The following ROCK2 variants were observed in gnomAD, a reference collection of about 807,000 sequenced individuals.
The protein encoded by ROCK2 is rho-associated protein kinase 2.
Under a neutral mutation model 195.1 loss-of-function variants are expected in ROCK2, and 61 were observed. That is an observed-to-expected ratio of 0.31 (90% confidence interval 0.25 to 0.39). The LOEUF is 0.39. Ranked by LOEUF, ROCK2 falls within the 10% of genes least tolerant of loss-of-function variation. The pLI, the probability that ROCK2 is intolerant of heterozygous loss-of-function variation, is 1.00. For missense variants in ROCK2, 1,109 were observed against 1,637.4 expected (o/e 0.68, Z 5.57); for synonymous variants, 504 against 545.5 (o/e 0.92, Z 1.06).
chr2:11,244,618 G>A (rs1665548065), intron 4 of ROCK2, among the ~76,000 whole-genome samples: 2 of 151,620 alleles, frequency 1.3e-5, no homozygotes, highest in Admixed American at 6.6e-5. Flanking sequence ...GATGAGCCAG[G>A]GCATGGTGGT....
chr2:11,279,492 T>G (rs1190006417), intron 3 of ROCK2, among the ~76,000 whole-genome samples: 1 of 152,202 alleles, frequency 6.6e-6, no homozygotes, highest in South Asian at 2.1e-4. Flanking sequence ...CAATCATCAA[T>G]GTGTTATATG....
chr2:11,286,507 T>G, intron 3 of ROCK2, 32 bp downstream of exon 3: 1 of 1,335,666 alleles, frequency 7.5e-7, no homozygotes, highest in Non-Finnish European at 1.1e-6. Flanking sequence ...CATGATGTCA[T>G]AGAGAACAAT....
chr2:11,243,943 A>G (rs1429062410), intron 4 of ROCK2, among the ~76,000 whole-genome samples: 1 of 152,224 alleles, frequency 6.6e-6, no homozygotes, highest in Non-Finnish European at 1.5e-5. Context: ...TAAATCTACA[A>G]CTTTAAAAAA....
At chr2:11,236,592 A>C (rs1338071809) in intron 4 of ROCK2, among the ~76,000 whole-genome samples, 1 of 152,206 alleles carries the variant, frequency 6.6e-6, no homozygotes, top group African/African-American at 2.4e-5. Context: ...ATACCAGTCC[A>C]GGTTGCTACT....
intron 1 of ROCK2, among the ~76,000 whole-genome samples, chr2:11,290,534 G>C (rs916555639): frequency 2.0e-5 from 3 of 151,990 alleles, no homozygotes; most frequent in African/African-American, 7.2e-5. Context: ...AAGCAATGAA[G>C]AAAACGATCT....
chr2:11,292,723 G>T (rs1035331237), intron 1 of ROCK2, among the ~76,000 whole-genome samples: 1 of 152,152 alleles, frequency 6.6e-6, no homozygotes, highest in Non-Finnish European at 1.5e-5. Flanking sequence ...TCCTCTGTTT[G>T]CTATTTCAAC....
chr2:11,273,914 G>A (rs1289710206), intron 3 of ROCK2, among the ~76,000 whole-genome samples: 1 of 136,096 alleles, frequency 7.3e-6, no homozygotes, highest in African/African-American at 2.6e-5. Context: ...GGGTGACAGA[G>A]CAAGACTCCA....
intron 3 of ROCK2, among the ~76,000 whole-genome samples, chr2:11,253,415 C>A (rs1665908251): frequency 6.6e-6 from 1 of 152,198 alleles, no homozygotes; most frequent in South Asian, 2.1e-4. Flanking sequence ...AAGGACACTA[C>A]CTCCTTATCC....
chr2:11,219,545 C>T (rs919665271), intron 9 of ROCK2, among the ~76,000 whole-genome samples: 2 of 151,996 alleles, frequency 1.3e-5, no homozygotes, highest in Non-Finnish European at 2.9e-5. Flanking sequence ...AAATGCTAAA[C>T]TTTTCTTGCC....
At chr2:11,248,550 A>C (rs1665704224) in intron 4 of ROCK2, among the ~76,000 whole-genome samples, 1 of 151,692 alleles carries the variant, frequency 6.6e-6, no homozygotes, top group Admixed American at 6.6e-5. Context: ...CTCTACTAAA[A>C]ATGCAAAAAT....
At chr2:11,254,161 C>T (rs544726536) in intron 3 of ROCK2, among the ~76,000 whole-genome samples, 1 of 152,268 alleles carries the variant, frequency 6.6e-6, no homozygotes, top group South Asian at 2.1e-4. Flanking sequence ...TTGGTACCAG[C>T]TAGCCCTCCC....
At chr2:11,227,153 C>T (rs1664841982) in intron 6 of ROCK2, 101 bp downstream of exon 6, 2 of 1,122,882 alleles carry the variant, frequency 1.8e-6, no homozygotes, top group Non-Finnish European at 2.5e-6. Context: ...TAATTCTTCC[C>T]TACGACAAAG....
intron 1 of ROCK2, among the ~76,000 whole-genome samples, chr2:11,288,437 A>T (rs1025968059): frequency 2.6e-4 from 39 of 152,302 alleles, no homozygotes. Flanking sequence ...CATTGTCTCA[A>T]CGCCAAGTAA....
chr2:11,340,333 TATC>T (rs150056112), intron 1 of ROCK2, among the ~76,000 whole-genome samples: 3,408 of 152,278 alleles, frequency 0.022, 57 homozygotes, highest in East Asian at 0.051. Flanking sequence ...GGTCAGATGT[TATC>T]ATCAAATACA....
Position 11,199,228 on chromosome 2 carries a change from C to T in ROCK2, c.2911-454G>A, listed in dbSNP as rs115089545. On this transcript the variant is annotated intron_variant, in intron 23 of 32. Transcript: ENST00000315872. ...CTGAAGGAAGTTTTACTGTAAATTA[C>T]GTGTTTTGCCTTTCCACCCATGACT... Among the ~76,000 whole-genome samples, 1,361 of 152,060 alleles carry T rather than the reference C, an allele frequency of 9.0e-3. 16 individuals are homozygous for T. Among genetic ancestry groups the T allele is most frequent in the African/African-American group, 0.031 (1,278 of 41,472 alleles).
At chr2:11,211,449 T>C (rs1664242456) in intron 18 of ROCK2, among the ~76,000 whole-genome samples, 1 of 152,212 alleles carries the variant, frequency 6.6e-6, no homozygotes, top group Admixed American at 6.5e-5. Context: ...GATCTAAAAA[T>C]CTGATCATGT....
In ROCK2 at chr2:11,215,496, T is replaced by A. The variant is rs768570101; in HGVS notation, c.1597+14A>T. On this transcript the variant is annotated intron_variant, in intron 14 of 32. Coordinates refer to ENST00000315872, the MANE Select transcript of ROCK2 (RefSeq NM_004850.5). ...TTTTTTCTTGATGAGTAATTAATAT[T>A]CTACACCACAAACCATCATTTTCCA... 6.2e-7 allele frequency: 1 copy of A among 1,611,230 alleles called. No individual in the cohort carries two copies. Among genetic ancestry groups the A allele is most frequent in the Admixed American group, 1.7e-5 (1 of 59,416 alleles).
At chr2:11,216,886 G>C (rs577123666) in intron 12 of ROCK2, among the ~76,000 whole-genome samples, 2 of 152,104 alleles carry the variant, frequency 1.3e-5, no homozygotes, top group Non-Finnish European at 2.9e-5. Flanking sequence ...ACCATGCCCA[G>C]CTAATTTTTG....
intron 3 of ROCK2, among the ~76,000 whole-genome samples, chr2:11,279,501 T>C (rs1279365042): frequency 1.3e-5 from 2 of 152,236 alleles, no homozygotes; most frequent in East Asian, 1.9e-4. Context: ...ATGTGTTATA[T>C]GTCTATCAAC....
Sources: gnomAD v4.1 joint callset for allele counts (sites outside exome capture counted in the v4.1 genomes callset) on GRCh38, gnomAD v4.1.1 for gene constraint, MANE v1.5 for transcripts, NCBI Gene and HGNC (gene_info 2026-07-23, HGNC 2026-07-21) for gene names.